Variants in SGCZ observed in about 807,000 individuals in gnomAD.
SGCZ encodes the protein zeta-sarcoglycan.
Under a neutral mutation model 41.3 loss-of-function variants are expected in SGCZ, and 40 were observed. The ratio of observed to expected loss-of-function variants is 0.97; its 90% CI spans 0.75 to 1.26. The LOEUF is 1.26. SGCZ is among the 50% of genes most tolerant of loss of function. The pLI, the probability that SGCZ is intolerant of heterozygous loss-of-function variation, is 0.00. For missense variants in SGCZ, 552 were observed against 369.8 expected, an observed-to-expected ratio of 1.49 and a Z score of -4.04; for synonymous variants, 206 against 137.5, an observed-to-expected ratio of 1.50 and a Z score of -3.49.
intron 2 of SGCZ, among the ~76,000 whole-genome samples, chr8:14,446,731 G>C (rs1353189766): frequency 6.6e-6 from 1 of 152,046 alleles, no homozygotes; most frequent in Non-Finnish European, 1.5e-5. Flanking sequence ...TTTGCATTGT[G>C]CTGATTCAGA....
At chr8:14,549,582 A>G (rs1206134827) in intron 2 of SGCZ, among the ~76,000 whole-genome samples, 1 of 152,156 alleles carries the variant, frequency 6.6e-6, no homozygotes. Context: ...ATATCAAGGT[A>G]AATAAGAACA....
At chr8:14,332,762 T>C (rs1468331482) in intron 2 of SGCZ, 2 of 151,642 alleles carry the variant, frequency 1.3e-5, no homozygotes, top group Non-Finnish European at 2.9e-5. Context: ...CATTTAATTA[T>C]ATTTAAATTA....
At chr8:14,933,463 G>T (rs1438422367) in intron 1 of SGCZ, among the ~76,000 whole-genome samples, 2 of 126,186 alleles carry the variant, frequency 1.6e-5, no homozygotes, top group East Asian at 4.5e-4. Flanking sequence ...ACGGAGTCTC[G>T]CTCTGTCGTC....
At chr8:15,041,322 G>C (rs1804088616) in intron 1 of SGCZ, among the ~76,000 whole-genome samples, 1 of 151,750 alleles carries the variant, frequency 6.6e-6, no homozygotes, top group African/African-American at 2.4e-5. Flanking sequence ...ATATAACCTA[G>C]ATAAGCATAT....
chr8:14,832,778 G>C (rs1002013877), intron 1 of SGCZ, among the ~76,000 whole-genome samples: 4 of 152,032 alleles, frequency 2.6e-5, no homozygotes, highest in Non-Finnish European at 5.9e-5. Flanking sequence ...AAACATTACA[G>C]TGAAAATTTC....
At chr8:15,148,980 T>A (rs1278987105) in intron 1 of SGCZ, among the ~76,000 whole-genome samples, 2 of 152,164 alleles carry the variant, frequency 1.3e-5, no homozygotes, top group Non-Finnish European at 2.9e-5. Context: ...ATCACAGATA[T>A]ACTGCTGTGT....
At chr8:14,217,642 T>TC (rs983161602) in intron 4 of SGCZ, among the ~76,000 whole-genome samples, 3 of 132,442 alleles carry the variant, frequency 2.3e-5, no homozygotes, top group African/African-American at 7.8e-5. Context: ...TTTTTTTTTT[T>TC]TTTTTTTTTG....
At chr8:14,996,890 C>T (rs766726232) in intron 1 of SGCZ, among the ~76,000 whole-genome samples, 5 of 152,212 alleles carry the variant, frequency 3.3e-5, no homozygotes, top group Non-Finnish European at 7.3e-5. Context: ...GTGGCTTCTA[C>T]AATTCAGTCA....
chr8:14,558,595 A>AGAGAGAGAGAGG (rs1217965798), intron 1 of SGCZ, among the ~76,000 whole-genome samples: 9 of 151,454 alleles, frequency 5.9e-5, no homozygotes, highest in African/African-American at 2.2e-4. Context: ...AGAGAGAGAG[A>AGAGAGAGAGAGG]GAGAGAGAGA....
At chr8:14,924,339 G>C (rs757325649) in intron 1 of SGCZ, among the ~76,000 whole-genome samples, 1 of 152,128 alleles carries the variant, frequency 6.6e-6, no homozygotes, top group Non-Finnish European at 1.5e-5. Context: ...TAGACCTGCT[G>C]TAAATGAACC....
chr8:14,935,075 T>G (rs1481211284), intron 1 of SGCZ, among the ~76,000 whole-genome samples: 1 of 149,912 alleles, frequency 6.7e-6, no homozygotes, highest in African/African-American at 2.5e-5. Flanking sequence ...AATTACAATA[T>G]AGCTAAAGAA....
At chr8:14,750,728 A>G (rs1402595699) in intron 1 of SGCZ, among the ~76,000 whole-genome samples, 1 of 152,186 alleles carries the variant, frequency 6.6e-6, no homozygotes, top group Non-Finnish European at 1.5e-5. Flanking sequence ...GAACGATGAC[A>G]TGTCTGGGTA....
chr8:14,330,277 G>C (rs1802265984), intron 2 of SGCZ, among the ~76,000 whole-genome samples: 1 of 152,020 alleles, frequency 6.6e-6, no homozygotes, highest in Non-Finnish European at 1.5e-5. Context: ...TATGAAGTAT[G>C]TGGTTAGTAA....
chr8:14,117,899 G>C (rs1246041392), intron 5 of SGCZ, among the ~76,000 whole-genome samples: 1 of 150,878 alleles, frequency 6.6e-6, no homozygotes, highest in Non-Finnish European at 1.5e-5. Context: ...CCATGTCCCT[G>C]CAAAGGACAT....
At chr8:15,103,052 G>A (rs1433592814) in intron 1 of SGCZ, among the ~76,000 whole-genome samples, 1 of 152,080 alleles carries the variant, frequency 6.6e-6, no homozygotes, top group Non-Finnish European at 1.5e-5. Flanking sequence ...ACAAAACAAT[G>A]TCATGTATGG....
At chr8:15,083,549 C>T (rs999678802) in intron 1 of SGCZ, among the ~76,000 whole-genome samples, 10 of 151,798 alleles carry the variant, frequency 6.6e-5, no homozygotes, top group Non-Finnish European at 1.2e-4. Context: ...GAAATTAATT[C>T]AATGTTGTTA....
At chr8:15,198,461 A>G (rs1202068553) in intron 1 of SGCZ, among the ~76,000 whole-genome samples, 1 of 152,168 alleles carries the variant, frequency 6.6e-6, no homozygotes, top group Non-Finnish European at 1.5e-5. Context: ...AAGCTATTGA[A>G]AATTTAGGTT....
At chr8:14,104,055 C>T (rs2116988894) in intron 6 of SGCZ, among the ~76,000 whole-genome samples, 1 of 152,242 alleles carries the variant, frequency 6.6e-6, no homozygotes, top group African/African-American at 2.4e-5. Context: ...AGGAGGGTTT[C>T]ACAGACTTAC....
intron 1 of SGCZ, among the ~76,000 whole-genome samples, chr8:14,697,084 T>G (rs1256986271): frequency 6.6e-6 from 1 of 151,992 alleles, no homozygotes; most frequent in Non-Finnish European, 1.5e-5. Context: ...CAACAGAGAT[T>G]AAAATCCAGA....
Sources: allele counts gnomAD v4.1 joint callset (sites outside exome capture counted in the v4.1 genomes callset), GRCh38; gene constraint gnomAD v4.1.1; transcripts MANE v1.5; gene names NCBI Gene and HGNC (gene_info 2026-07-23, HGNC 2026-07-21).